Variants in DOCK1 observed in about 807,000 individuals in gnomAD.
DOCK1 encodes the protein dedicator of cytokinesis protein 1.
In DOCK1, 138 loss-of-function variants were observed where a neutral mutation model predicts 262.7. The observed-to-expected ratio is 0.53, with a 90% CI of 0.46 to 0.61. DOCK1 has a LOEUF of 0.61. Among genes scored for constraint, DOCK1 ranks in the 20% least tolerant of loss-of-function variants. The pLI is 0.00. For synonymous variants in DOCK1, 866 were observed against 867.4 expected, an observed-to-expected ratio of 1.00 and a Z score of 0.03; for missense variants, 1,908 against 2,370.7, an observed-to-expected ratio of 0.80 and a Z score of 4.05.
At chr10:127,414,490 T>A (rs2068043165) in intron 43 of DOCK1, among the ~76,000 whole-genome samples, 1 of 152,226 alleles carries the variant, frequency 6.6e-6, no homozygotes, top group Non-Finnish European at 1.5e-5. Context: ...AAGAACACAT[T>A]GTCAAATGAT....
At chr10:127,282,621 C>CA (rs1442109830) in intron 29 of DOCK1, among the ~76,000 whole-genome samples, 3 of 152,168 alleles carry the variant, frequency 2.0e-5, no homozygotes, top group African/African-American at 7.2e-5. Flanking sequence ...GTCACCAGGG[C>CA]AAAACCACAG....
At chr10:127,369,751 G>A (rs747033567) in intron 33 of DOCK1, among the ~76,000 whole-genome samples, 1 of 152,202 alleles carries the variant, frequency 6.6e-6, no homozygotes, top group Admixed American at 6.5e-5. Flanking sequence ...CTTGCTTGAC[G>A]GACGTAGGAG....
chr10:127,414,601 A>G (rs576980044), intron 43 of DOCK1, among the ~76,000 whole-genome samples: 40 of 152,306 alleles, frequency 2.6e-4, no homozygotes, highest in African/African-American at 8.7e-4. Context: ...CAGGTAGGGG[A>G]TGGTTTTTCC....
intron 31 of DOCK1, among the ~76,000 whole-genome samples, chr10:127,346,119 C>T (rs1396417790): frequency 6.6e-6 from 1 of 152,232 alleles, no homozygotes; most frequent in African/African-American, 2.4e-5. Context: ...AGCCCAGCCA[C>T]AGCTCCTGGC....
At chr10:127,392,203 G>T (rs2066519571) in intron 38 of DOCK1, among the ~76,000 whole-genome samples, 2 of 150,884 alleles carry the variant, frequency 1.3e-5, no homozygotes, top group Admixed American at 1.3e-4. Context: ...GGCTTTTGGA[G>T]TTCACCGGCG....
At chr10:127,191,809 G>A (rs7896858) in intron 27 of DOCK1, among the ~76,000 whole-genome samples, 7,031 of 152,278 alleles carry the variant, frequency 0.046, 266 homozygotes, top group East Asian at 0.17. Flanking sequence ...TTCTCTCTGG[G>A]ATGTGCCTGT....
At position 127,248,013 on chromosome 10, in the gene DOCK1, C is replaced by T; in HGVS notation, c.2853C>T (p.Asn951=). 1 of 1,613,790 alleles carries T rather than the reference C, an allele frequency of 6.2e-7. No homozygotes were observed. The highest frequency in any genetic ancestry group is 8.5e-7 in the Non-Finnish European group (1 of 1,179,818). The change falls in exon 28 of 52, where the codon AAC becomes AAT. Residue 951 remains asparagine (N), a synonymous_variant. Coordinates refer to ENST00000623213, the MANE Select transcript of DOCK1 (RefSeq NM_001290223.2). The part of the protein sequence containing the change: ...SMGRDSELIG[N]FVACMTAILR... The stretch of plus-strand genomic sequence containing the variant: ...ATCTTTTGATTCATTTACAGGGAAA[C>T]TTCGTGGCTTGCATGACAGCTATTT...
intron 29 of DOCK1, among the ~76,000 whole-genome samples, chr10:127,274,708 G>T (rs542540224): frequency 3.3e-5 from 5 of 152,278 alleles, no homozygotes; most frequent in African/African-American, 1.2e-4. Flanking sequence ...ATAAAGAAGC[G>T]GGCTTGCGAG....
intron 27 of DOCK1, among the ~76,000 whole-genome samples, chr10:127,195,594 C>T (rs1472484731): frequency 2.6e-5 from 4 of 152,004 alleles, no homozygotes; most frequent in African/African-American, 9.7e-5. Context: ...ACTTAAAAGC[C>T]TCGAAACCTT....
At chr10:127,056,827 C>T (rs1351777550) in intron 22 of DOCK1, among the ~76,000 whole-genome samples, 1 of 152,130 alleles carries the variant, frequency 6.6e-6, no homozygotes, top group African/African-American at 2.4e-5. Context: ...GCAGAGACAA[C>T]AAATACTTCA....
intron 29 of DOCK1, among the ~76,000 whole-genome samples, chr10:127,322,781 A>C (rs939024054): frequency 1.3e-5 from 2 of 152,228 alleles, no homozygotes; most frequent in African/African-American, 2.4e-5. Flanking sequence ...TCTATTAGTG[A>C]ATGCAGAAGA....
At chr10:127,287,333 G>A (rs930375315) in intron 29 of DOCK1, among the ~76,000 whole-genome samples, 20 of 151,910 alleles carry the variant, frequency 1.3e-4, no homozygotes, top group African/African-American at 4.8e-4. Flanking sequence ...AGGACTATAG[G>A]TGTGCACCAC....
intron 28 of DOCK1, among the ~76,000 whole-genome samples, chr10:127,253,632 G>T (rs2059728847): frequency 6.6e-6 from 1 of 152,092 alleles, no homozygotes; most frequent in Admixed American, 6.6e-5. Context: ...CCAGCACTTT[G>T]GGAGGTCGAA....
chr10:127,003,555 C>T (rs537901807), intron 10 of DOCK1, among the ~76,000 whole-genome samples: 1 of 152,156 alleles, frequency 6.6e-6, no homozygotes, highest in Non-Finnish European at 1.5e-5. Context: ...GTGGGGATGT[C>T]CTGTTCATCC....
chr10:127,440,679 A>G (rs1435748422), intron 49 of DOCK1, among the ~76,000 whole-genome samples: 1 of 152,200 alleles, frequency 6.6e-6, no homozygotes, highest in East Asian at 1.9e-4. Flanking sequence ...CTACCTGGCT[A>G]TCTAGAGGTG....
chr10:127,430,770 G>T (rs1462960509), intron 47 of DOCK1, among the ~76,000 whole-genome samples: 1 of 152,164 alleles, frequency 6.6e-6, no homozygotes, highest in African/African-American at 2.4e-5. Flanking sequence ...TGGTCCCTGT[G>T]ATTAAGTTCA....
intron 32 of DOCK1, among the ~76,000 whole-genome samples, chr10:127,356,716 C>T (rs1009406961): frequency 1.3e-5 from 2 of 152,068 alleles, no homozygotes; most frequent in African/African-American, 4.8e-5. Context: ...TAGGCACCAA[C>T]GTTCATGAAG....
chr10:127,270,391 T>C (rs2060518991), intron 29 of DOCK1, among the ~76,000 whole-genome samples: 1 of 152,198 alleles, frequency 6.6e-6, no homozygotes. Context: ...ATCCATTCTA[T>C]CCCTTTTCAC....
At chr10:127,186,120 G>A (rs986727371) in intron 27 of DOCK1, among the ~76,000 whole-genome samples, 2 of 152,126 alleles carry the variant, frequency 1.3e-5, no homozygotes, top group Non-Finnish European at 2.9e-5. Flanking sequence ...GGCTTTCAGA[G>A]GGAAAAAAAC....
Sources: gnomAD v4.1 joint callset for allele counts (sites outside exome capture counted in the v4.1 genomes callset) on GRCh38, gnomAD v4.1.1 for gene constraint, MANE v1.5 for transcripts, NCBI Gene and HGNC (gene_info 2026-07-23, HGNC 2026-07-21) for gene names.